The following DGUOK variants were observed in gnomAD, a reference collection of about 807,000 sequenced individuals.
DGUOK encodes deoxyguanosine kinase, mitochondrial.
DGUOK carries 30 observed loss-of-function variants against 36.6 expected under a neutral mutation model. The observed-to-expected ratio is 0.82, with a 90% confidence interval of 0.61 to 1.11. The LOEUF is 1.11. Among genes scored for constraint, DGUOK ranks in the 50% most tolerant of loss-of-function variants. DGUOK has a pLI of 0.00. For missense variants in DGUOK, 361 were observed against 336.4 expected (o/e 1.07, Z -0.57); for synonymous variants, 145 against 126.3 (o/e 1.15, Z -0.99).
At chr2:73,950,833 G>T in intron 4 of DGUOK, 101 bp downstream of exon 4, 1 of 1,479,520 alleles carries the variant, frequency 6.8e-7, no homozygotes, top group Non-Finnish European at 9.5e-7. Flanking sequence ...TTAGAGCGTA[G>T]ACATTACCTG....
At chr2:73,940,976 C>T (rs1337474486) in intron 2 of DGUOK, among the ~76,000 whole-genome samples, 1 of 152,230 alleles carries the variant, frequency 6.6e-6, no homozygotes, top group Non-Finnish European at 1.5e-5. Context: ...TTCCTCCCTT[C>T]TAGAAGTAGA....
At chr2:73,927,378 G>A (rs879808711) in intron 1 of DGUOK, among the ~76,000 whole-genome samples, 1 of 152,222 alleles carries the variant, frequency 6.6e-6, no homozygotes, top group African/African-American at 2.4e-5. Flanking sequence ...TGTTCTCCTA[G>A]ATAGGGTTGC....
intron 3 of DGUOK, among the ~76,000 whole-genome samples, chr2:73,949,352 C>T (rs1682552178): frequency 6.6e-6 from 1 of 152,214 alleles, no homozygotes; most frequent in African/African-American, 2.4e-5. Flanking sequence ...ATCAACTAGA[C>T]TATGGCTAAA....
intron 1 of DGUOK, 152 bp from the exon 2 acceptor site, chr2:73,938,758 T>A (rs1050695046): frequency 1.5e-6 from 1 of 667,464 alleles, no homozygotes; most frequent in African/African-American, 1.8e-5. Flanking sequence ...TGATCTGTTA[T>A]CAGTCTGACA....
Position 73,946,865 on chromosome 2 carries a change from G to T in DGUOK, c.402G>T (p.Arg134Ser), listed in dbSNP as rs769333517. 6.2e-7 allele frequency: 1 copy of T among 1,613,690 alleles called. No individual in the cohort carries two copies. Among genetic ancestry groups the T allele is most frequent in the East Asian group, 2.2e-5 (1 of 44,882 alleles). Residue 134 changes from arginine (R) to serine (S), a missense_variant, in exon 3 of 7, where the codon AGG (arginine) becomes AGT (serine). Transcript: ENST00000264093. ...EPFPEKLLQA[R>S]KPVQIFERSV... ...TCCCTGAGAAACTCTTACAGGCCAG[G>T]AAGCCAGTACAGATCTTTGAGAGGT... is the stretch of plus-strand genomic sequence containing the variant.
At position 73,930,782 on chromosome 2, in the gene DGUOK, C is replaced by CTTTTTTTTTTTTTTTTTTTTT. The variant is rs1020072202; in HGVS notation, c.142+3741_142+3742insTTTTTTTTTTTTTTTTTTTTT. Among the ~76,000 whole-genome samples the CTTTTTTTTTTTTTTTTTTTTT allele has an allele frequency of 3.1e-5, 3 of 95,476 alleles. 1 individual carries two copies. Among genetic ancestry groups the CTTTTTTTTTTTTTTTTTTTTT allele is most frequent in the Non-Finnish European group, 4.3e-5 (2 of 46,462 alleles). 62.6% of individuals were successfully genotyped at this position (95,476 alleles called of 152,430 possible). On this transcript the variant is annotated intron_variant, in intron 1 of 6. Transcript: ENST00000264093. ...GAGAAAACAGATTCGACATAATTTTCTTTTTTTTTTTCTTTTTTTTTTTTT... is the reference window on the plus strand; with the variant it reads ...GAGAAAACAGATTCGACATAATTTTCTTTTTTTTTTTTTTTTTTTTTTTTTTTTTTTTCTTTTTTTTTTTTT...
intron 5 of DGUOK, 131 bp from the exon 6 acceptor site, chr2:73,958,015 T>C: frequency 1.4e-6 from 1 of 717,970 alleles, no homozygotes; most frequent in Non-Finnish European, 2.5e-6. Flanking sequence ...AAATGCAGTT[T>C]ACATGCAGTT....
At position 73,946,914 on chromosome 2, in the gene DGUOK, G is replaced by T; in HGVS notation, c.443+8G>T. ...GTCTGTGTACAGTGACAGGTAAAAT[G>T]CCAAGCCCTCCACCAGTCACAAGCC... On this transcript the variant is annotated splice_region_variant and intron_variant, in intron 3 of 6. Coordinates refer to ENST00000264093, the MANE Select transcript of DGUOK (RefSeq NM_080916.3). 1 of 1,606,912 alleles carries T rather than the reference G, an allele frequency of 6.2e-7. No individual in the cohort carries two copies. Among genetic ancestry groups the T allele is most frequent in the Admixed American group, 1.7e-5 (1 of 59,088 alleles).
At chr2:73,931,549 C>T (rs540598319) in intron 1 of DGUOK, among the ~76,000 whole-genome samples, 1 of 152,138 alleles carries the variant, frequency 6.6e-6, no homozygotes, top group Non-Finnish European at 1.5e-5. Flanking sequence ...TGCCATATGT[C>T]GAAGAGCCTT....
At chr2:73,934,062 A>G (rs1681265507) in intron 1 of DGUOK, among the ~76,000 whole-genome samples, 1 of 152,210 alleles carries the variant, frequency 6.6e-6, no homozygotes, top group Non-Finnish European at 1.5e-5. Flanking sequence ...GGTGATAAAT[A>G]TAGGCTCCTA....
intron 2 of DGUOK, among the ~76,000 whole-genome samples, chr2:73,943,267 A>G (rs917248702): frequency 1.3e-5 from 2 of 151,420 alleles, no homozygotes; most frequent in African/African-American, 4.9e-5. Flanking sequence ...TTCCCACCTC[A>G]GTCTCTTGGT....
intron 5 of DGUOK, chr2:73,957,945 A>G (rs1683245620): frequency 2.0e-6 from 1 of 492,008 alleles, no homozygotes; most frequent in African/African-American, 2.0e-5. Flanking sequence ...ATCACTCTCA[A>G]GAATGAAGAG....
intron 1 of DGUOK, among the ~76,000 whole-genome samples, chr2:73,928,946 G>T (rs571045006): frequency 6.6e-6 from 1 of 152,244 alleles, no homozygotes; most frequent in South Asian, 2.1e-4. Flanking sequence ...AAATGATTGG[G>T]TTCTAGTTAT....
chr2:73,932,483 C>G (rs774169611), intron 1 of DGUOK: 9 of 539,188 alleles, frequency 1.7e-5, no homozygotes, highest in Non-Finnish European at 2.8e-5. Flanking sequence ...CAGTACTGAC[C>G]AGATTCTTGA....
intron 1 of DGUOK, among the ~76,000 whole-genome samples, chr2:73,929,642 G>C (rs1680866261): frequency 6.6e-6 from 1 of 152,080 alleles, no homozygotes; most frequent in Non-Finnish European, 1.5e-5. Context: ...ACTGAGGTAG[G>C]AGAAAAAAAC....
intron 1 of DGUOK, among the ~76,000 whole-genome samples, chr2:73,936,143 G>A (rs959044762): frequency 3.3e-5 from 5 of 152,292 alleles, no homozygotes; most frequent in African/African-American, 1.2e-4. Flanking sequence ...TTTTAGACTT[G>A]TTAAACAACC....
intron 1 of DGUOK, among the ~76,000 whole-genome samples, chr2:73,929,843 A>G (rs755354867): frequency 6.6e-5 from 10 of 152,192 alleles, no homozygotes; most frequent in Non-Finnish European, 1.5e-4. Flanking sequence ...GTGGGTTAAG[A>G]TAACTGGAAG....
chr2:73,941,888 C>T (rs1681926669), intron 2 of DGUOK, among the ~76,000 whole-genome samples: 1 of 149,776 alleles, frequency 6.7e-6, no homozygotes, highest in South Asian at 2.1e-4. Context: ...TTAACTCTGT[C>T]ATATATTTGT....
rs780124711 is a variant in DGUOK at position 73,950,662 on chromosome 2, C to CT, written c.525dup (p.Leu176SerfsTer40). ...TGGCATATCTATCAGGACTGGCATT[C>CT]TTTTCTCCTGTGGGAGTTTGCCAGC... On this transcript the variant is annotated frameshift_variant, in exon 4 of 7. Coordinates refer to ENST00000264093, the MANE Select transcript of DGUOK (RefSeq NM_080916.3). LOFTEE classifies it high-confidence loss of function. The CT allele has an allele frequency of 6.2e-7, 1 of 1,614,196 alleles. No homozygotes were observed. The highest frequency in any genetic ancestry group is 8.5e-7 in the Non-Finnish European group (1 of 1,180,036).
Sources: allele counts gnomAD v4.1 joint callset (sites outside exome capture counted in the v4.1 genomes callset), GRCh38; gene constraint gnomAD v4.1.1; transcripts MANE v1.5; gene names NCBI Gene and HGNC (gene_info 2026-07-23, HGNC 2026-07-21).